ADRA1A: variants seen among roughly 807,000 people sequenced by gnomAD.
ADRA1A encodes alpha-1A adrenergic receptor.
A neutral mutation model predicts 29.6 loss-of-function variants in ADRA1A; 31 were observed. The ratio of observed to expected loss-of-function variants is 1.05; its 90% CI spans 0.79 to 1.41. The LOEUF (loss-of-function observed/expected upper bound fraction) is 1.41, where lower values mean the gene tolerates loss of function less well. ADRA1A is among the 40% of genes most tolerant of loss of function. The probability of loss-of-function intolerance (pLI) is 0.00; values close to 1 mark genes in which losing one functional copy is unlikely to be tolerated. For missense variants in ADRA1A, 619 were observed against 601.1 expected (o/e 1.03, Z -0.31); for synonymous variants, 311 against 254.3 (o/e 1.22, Z -2.12).
chr8:26,805,593 A>G lies in ADRA1A; in HGVS notation c.884-34927T>C, dbSNP rs755885614. The stretch of plus-strand genomic sequence containing the variant: ...TGTTATTACAGATTACGAAACAGGC[A>G]TGAGAGGCTAAGTAACTTGCCCAAG... On this transcript the variant is annotated intron_variant, in intron 2 of 2. Transcript: ENST00000380573. The surrounding 1 kb of genome is among the most constrained non-coding windows in gnomAD (Gnocchi z 4.8). 3.0e-4 allele frequency among the ~76,000 whole-genome samples: 45 copies of G among 152,244 alleles called. No individual in the cohort carries two copies. The highest frequency in any genetic ancestry group is 4.6e-4 in the Admixed American group (7 of 15,280).
At chr8:26,808,381 G>C (rs1809149074) in intron 2 of ADRA1A, among the ~76,000 whole-genome samples, 1 of 152,066 alleles carries the variant, frequency 6.6e-6, no homozygotes, top group African/African-American at 2.4e-5. Context: ...ATCTTCTAGT[G>C]CTGGATTTTT....
downstream of ADRA1A, among the ~76,000 whole-genome samples, chr8:26,755,852 G>A (rs960009058): frequency 6.6e-6 from 1 of 152,220 alleles, no homozygotes; most frequent in African/African-American, 2.4e-5. Flanking sequence ...GAGACTGCAA[G>A]AGCAGCTCTC....
At chr8:26,752,374 A>C (rs1464925752), downstream of ADRA1A, among the ~76,000 whole-genome samples, 2 of 152,216 alleles carry the variant, frequency 1.3e-5, no homozygotes, top group Non-Finnish European at 2.9e-5. Flanking sequence ...TTTATTATGC[A>C]AATGAGGTCT....
At chr8:26,833,805 G>A (rs1441949779) in intron 2 of ADRA1A, among the ~76,000 whole-genome samples, 1 of 152,174 alleles carries the variant, frequency 6.6e-6, no homozygotes, top group Non-Finnish European at 1.5e-5. Flanking sequence ...GCTGGCATAT[G>A]GCTTCAAAAT....
At chr8:26,773,529 C>G (rs1248297924) in intron 2 of ADRA1A, among the ~76,000 whole-genome samples, 1 of 152,104 alleles carries the variant, frequency 6.6e-6, no homozygotes, top group Non-Finnish European at 1.5e-5. Flanking sequence ...GCTGAGCACA[C>G]TGAAACCCAC....
intron 2 of ADRA1A, among the ~76,000 whole-genome samples, chr8:26,792,896 GT>G (rs1807935105): frequency 1.3e-5 from 2 of 151,242 alleles, no homozygotes; most frequent in South Asian, 4.2e-4. Context: ...AAAAATAAAT[GT>G]AAATGGATTA....
chr8:26,842,899 ACACACACACCACT>A (rs1248837905), intron 2 of ADRA1A, among the ~76,000 whole-genome samples: 38 of 134,052 alleles, frequency 2.8e-4, no homozygotes, highest in African/African-American at 9.9e-4. Context: ...ACACACACAC[ACACACACACCACT>A]CAAGGATTAT....
downstream of ADRA1A, among the ~76,000 whole-genome samples, chr8:26,763,942 C>T (rs1159712877): frequency 1.3e-5 from 2 of 152,158 alleles, no homozygotes; most frequent in African/African-American, 4.8e-5. This position sits in a 1 kb window ranked among gnomAD's most constrained non-coding sequence, Gnocchi z 4.5. Context: ...TCCTAATATA[C>T]ATTAAATAGA....
At chr8:26,857,327 G>C (rs1813121904) in intron 2 of ADRA1A, among the ~76,000 whole-genome samples, 1 of 152,024 alleles carries the variant, frequency 6.6e-6, no homozygotes, top group African/African-American at 2.4e-5. Context: ...CTTTTGGGAT[G>C]GTCTGTGGTG....
chr8:26,751,752 A>G (rs148221439), downstream of ADRA1A, among the ~76,000 whole-genome samples: 788 of 152,348 alleles, frequency 5.2e-3, 9 homozygotes, highest in African/African-American at 0.018. Context: ...CAACAACAAC[A>G]CCTAAGACTC....
chr8:26,816,096 C>G (rs891140892), intron 2 of ADRA1A, among the ~76,000 whole-genome samples: 1 of 152,170 alleles, frequency 6.6e-6, no homozygotes, highest in African/African-American at 2.4e-5. Flanking sequence ...AGTCGTCCCT[C>G]TTAGTGTAGG....
chr8:26,780,955 A>G (rs781604081), intron 2 of ADRA1A, among the ~76,000 whole-genome samples: 1 of 152,208 alleles, frequency 6.6e-6, no homozygotes, highest in Non-Finnish European at 1.5e-5. Context: ...CTGATTCTAC[A>G]TTATGGTGAG....
chr8:26,766,003 A>T, downstream of ADRA1A: 1 of 1,610,656 alleles, frequency 6.2e-7, no homozygotes, highest in Non-Finnish European at 8.5e-7. Context: ...CATAGCTTCC[A>T]GCTGACTCCT....
intron 2 of ADRA1A, among the ~76,000 whole-genome samples, chr8:26,850,664 G>A (rs1183373381): frequency 2.0e-5 from 3 of 152,104 alleles, no homozygotes; most frequent in Non-Finnish European, 2.9e-5. Context: ...CCTAATTTTT[G>A]TACTTTTAAT....
chr8:26,836,287 C>T (rs1811354396), intron 2 of ADRA1A: 2 of 173,624 alleles, frequency 1.2e-5, no homozygotes, highest in South Asian at 3.3e-4. Flanking sequence ...GTGTGACCCT[C>T]AGCAAAGACA....
Position 26,768,929 on chromosome 8 carries a change from C to T in ADRA1A, c.*1220G>A, listed in dbSNP as rs929022999. On this transcript the variant is annotated 3_prime_UTR_variant, in exon 3 of 3. Coordinates refer to ENST00000380573, the MANE Select transcript of ADRA1A (RefSeq NM_000680.4). Reference sequence around the variant, plus strand: ...GTTGAGTTGACTACTGGATCTTTTACCAGAACAAATGGCCTTCTATCAAAA... The same window carrying T: ...GTTGAGTTGACTACTGGATCTTTTATCAGAACAAATGGCCTTCTATCAAAA... The T allele has an allele frequency of 1.0e-6, 1 of 985,294 alleles. No individual in the cohort carries two copies. Among genetic ancestry groups the T allele is most frequent in the African/African-American group, 1.7e-5 (1 of 57,244 alleles). The allele number at this position is 985,294 out of a possible 1,614,324, so 61.0% of individuals were successfully genotyped here.
chr8:26,843,787 G>A (rs912980223), intron 2 of ADRA1A, among the ~76,000 whole-genome samples: 6 of 152,160 alleles, frequency 3.9e-5, no homozygotes, highest in African/African-American at 1.4e-4. Context: ...TTAAAACAAA[G>A]GAACTGATTC....
chr8:26,764,157 C>G (rs913500218), downstream of ADRA1A, among the ~76,000 whole-genome samples: 1 of 152,132 alleles, frequency 6.6e-6, no homozygotes, highest in African/African-American at 2.4e-5. Context: ...TGCTGATGAC[C>G]AGTGGGTATG....
chr8:26,810,062 C>T (rs1809272853), intron 2 of ADRA1A, among the ~76,000 whole-genome samples: 1 of 152,166 alleles, frequency 6.6e-6, no homozygotes, highest in Non-Finnish European at 1.5e-5. Flanking sequence ...TTACTTCCTG[C>T]CTTTCTTTTA....
Sources: gnomAD v4.1 joint callset for allele counts (sites outside exome capture counted in the v4.1 genomes callset) on GRCh38, gnomAD v4.1.1 for gene constraint, Gnocchi (gnomAD v3.1) non-coding constraint, MANE v1.5 for transcripts, NCBI Gene and HGNC (gene_info 2026-07-23, HGNC 2026-07-21) for gene names.